Variants in FAM107A observed in about 807,000 individuals in gnomAD.
The protein encoded by FAM107A is family with sequence similarity 107 member A, also known as actin-associated protein FAM107A.
FAM107A carries 19 observed loss-of-function variants against 13.7 expected under a neutral mutation model. The observed-to-expected ratio is 1.38, with a 90% confidence interval of 0.97 to 2.03. The LOEUF (loss-of-function observed/expected upper bound fraction) is 2.03, where lower values mean the gene tolerates loss of function less well. Ranked by LOEUF, FAM107A falls within the 30% of genes most tolerant of loss-of-function variation. The pLI, the probability that FAM107A is intolerant of heterozygous loss-of-function variation, is 0.00. For synonymous variants in FAM107A, 82 were observed against 74.5 expected (o/e 1.10, Z -0.52); for missense variants, 203 against 184.4 (o/e 1.10, Z -0.58).
chr3:58,587,112 A>G lies in FAM107A; in HGVS notation c.-176T>C, dbSNP rs954697299. 7.3e-6 allele frequency: 10 copies of G among 1,370,466 alleles called. No individual in the cohort carries two copies. In the Admixed American group the frequency reaches 2.2e-4, roughly 30 times the overall value. 84.9% of individuals were successfully genotyped at this position (1,370,466 alleles called of 1,614,324 possible). A position where few individuals can be genotyped will look rare whatever the true frequency, so the allele number is the denominator to read the frequency against. On this transcript the variant is annotated 5_prime_UTR_variant, in exon 1 of 4. Coordinates refer to the FAM107A transcript ENST00000447756. ...GCGGGCGAGGAGACGCCGCCGGGGG[A>G]AGGAGGGGGGCAGGGGCCAGGGCAG...
At chr3:58,624,597 A>C (rs2065993432) in intron 1 of FAM107A, among the ~76,000 whole-genome samples, 1 of 152,204 alleles carries the variant, frequency 6.6e-6, no homozygotes, top group African/African-American at 2.4e-5. Context: ...CTGTGGCTCC[A>C]AGGGTGGGCT....
At chr3:58,589,217 C>T (rs73091460), upstream of FAM107A, 101,932 of 1,532,980 alleles carry the variant, frequency 0.066, 3,836 homozygotes, top group Middle Eastern at 0.079. Context: ...TGAGCCATTT[C>T]GTCTCTGCTT....
chr3:58,589,188 C>G (rs1283524997), upstream of FAM107A: 1 of 1,508,838 alleles, frequency 6.6e-7, no homozygotes, highest in Non-Finnish European at 8.9e-7. Context: ...CCCAGGAATT[C>G]TAGCGGGTCT....
At chr3:58,625,091 C>T (rs1464748918) in intron 1 of FAM107A, among the ~76,000 whole-genome samples, 1 of 152,036 alleles carries the variant, frequency 6.6e-6, no homozygotes, top group Non-Finnish European at 1.5e-5. Flanking sequence ...CAAAATCCTA[C>T]CCAATAAAAA....
At chr3:58,567,998 G>A (rs1577018267) in intron 2 of FAM107A, among the ~76,000 whole-genome samples, 1 of 152,102 alleles carries the variant, frequency 6.6e-6, no homozygotes, top group African/African-American at 2.4e-5. Flanking sequence ...GTGCAGTGGT[G>A]CAATCATAGC....
At position 58,565,817 on chromosome 3, in the gene FAM107A, G is replaced by C. The variant is rs1396635031; in HGVS notation, c.*771C>G. 6.6e-6 allele frequency: 1 copy of C among 152,200 alleles called. No homozygotes were observed. Among genetic ancestry groups the C allele is most frequent in the Non-Finnish European group, 1.5e-5 (1 of 68,062 alleles). 9.4% of individuals were successfully genotyped at this position (152,200 alleles called of 1,614,324 possible). On this transcript the variant is annotated 3_prime_UTR_variant, in exon 4 of 4. Transcript: ENST00000360997. ...TACCTGGGAGCTTGTTAGAAATGCA[G>C]GATCTCCCAGATCTATTGAGTTAGA...
At chr3:58,611,966 T>A (rs2065858943) in intron 1 of FAM107A, among the ~76,000 whole-genome samples, 1 of 152,042 alleles carries the variant, frequency 6.6e-6, no homozygotes, top group African/African-American at 2.4e-5. Flanking sequence ...ATTGTGGTTT[T>A]TTTTCTTCTT....
intron 1 of FAM107A, chr3:58,607,163 C>A (rs1211794702): frequency 3.3e-5 from 5 of 152,200 alleles, no homozygotes; most frequent in African/African-American, 1.2e-4. Flanking sequence ...TATGTCCTGT[C>A]CATTTCTATT....
chr3:58,613,676 G>A lies in FAM107A; in HGVS notation c.-70+13740C>T, dbSNP rs1329965183. 6.6e-6 allele frequency among the ~76,000 whole-genome samples: 1 copy of A among 152,138 alleles called. No homozygotes were observed. The highest frequency in any genetic ancestry group is 1.5e-5 in the Non-Finnish European group (1 of 68,004). ...GCACCTCCTCCAGGAAGCCTTCCCT[G>A]ATATTCCCCTCCCTAGGATTGGGTA... On this transcript the variant is annotated intron_variant, in intron 1 of 3. Transcript: ENST00000465970. The surrounding 1 kb of genome is among the most constrained non-coding windows in gnomAD (Gnocchi z 4.6).
At chr3:58,585,068 G>A (rs1363948123) in intron 1 of FAM107A, among the ~76,000 whole-genome samples, 1 of 152,228 alleles carries the variant, frequency 6.6e-6, no homozygotes, top group Non-Finnish European at 1.5e-5. Context: ...TTAAGTGCTT[G>A]TCAGTGCAGC....
At chr3:58,586,653 G>C (rs770500164) in intron 1 of FAM107A, among the ~76,000 whole-genome samples, 3 of 152,140 alleles carry the variant, frequency 2.0e-5, no homozygotes, top group Non-Finnish European at 4.4e-5. Flanking sequence ...AGCTATGATT[G>C]CACCACTGCA....
chr3:58,596,493 C>T (rs1288301077), intron 1 of FAM107A, among the ~76,000 whole-genome samples: 3 of 152,132 alleles, frequency 2.0e-5, no homozygotes, highest in African/African-American at 7.2e-5. Context: ...GCCTGGTCAA[C>T]ATGAAGAAAC....
At chr3:58,619,307 A>G (rs1255149461) in intron 1 of FAM107A, among the ~76,000 whole-genome samples, 4 of 152,106 alleles carry the variant, frequency 2.6e-5, no homozygotes, top group African/African-American at 7.2e-5. Flanking sequence ...AGAACTTTAC[A>G]TAGCTGTTTT....
intron 1 of FAM107A, among the ~76,000 whole-genome samples, chr3:58,614,172 T>A (rs1190327504): frequency 1.3e-5 from 2 of 152,334 alleles, no homozygotes; most frequent in Admixed American, 1.3e-4. Flanking sequence ...AGAGGAGGTG[T>A]CAGTGGGATG....
chr3:58,577,490 G>A (rs1348007550), upstream of FAM107A: 17 of 985,144 alleles, frequency 1.7e-5, no homozygotes, highest in Non-Finnish European at 1.2e-5. The surrounding 1 kb of genome is among the most constrained non-coding windows in gnomAD (Gnocchi z 4.9). Flanking sequence ...GTTTATTCTG[G>A]TATCAATAAA....
rs548298923 is a variant in FAM107A at position 58,615,321 on chromosome 3, A to G, written c.-70+12095T>C. Among the ~76,000 whole-genome samples the G allele has an allele frequency of 2.9e-4, 44 of 152,192 alleles. No homozygotes were observed. In the South Asian group the frequency reaches 8.9e-3, roughly 31 times the overall value. On this transcript the variant is annotated intron_variant, in intron 1 of 3. Coordinates refer to the FAM107A transcript ENST00000465970. ...CTTTTACCAACTTTGTAACTTTGAC[A>G]TTTAGCTCAGTAAGTCTCAGTCTTC...
rs2065987441 is a variant in FAM107A, at chr3:58,624,251, G to C, written c.-70+3165C>G. Among the ~76,000 whole-genome samples, 4 of 152,322 alleles carry C rather than the reference G, an allele frequency of 2.6e-5. 1 individual carries two copies. In the South Asian group the frequency reaches 8.3e-4, roughly 32 times the overall value. ...GGAATGTTCCAAACAGTGTTAGAGG[G>C]ATTGCTTCTGTGTGTTAAAATATCT... On this transcript the variant is annotated intron_variant, in intron 1 of 3. Transcript: ENST00000465970.
At chr3:58,600,051 G>A (rs911245273) in intron 1 of FAM107A, among the ~76,000 whole-genome samples, 28 of 152,164 alleles carry the variant, frequency 1.8e-4, no homozygotes, top group African/African-American at 6.5e-4. Flanking sequence ...AATTTAATGG[G>A]TGATAGGACA....
Position 58,599,722 on chromosome 3 carries a change from T to A in FAM107A, c.-69-10453A>T, listed in dbSNP as rs1337814750. On this transcript the variant is annotated intron_variant, in intron 1 of 3. Transcript: ENST00000465970. ...TTTTTTTTTTTTTTTTTTTTTTTTT[T>A]TTTTTTTTTTTTTGAGACGGGATCC... is the stretch of plus-strand genomic sequence containing the variant. 5.2e-5 allele frequency among the ~76,000 whole-genome samples: 4 copies of A among 76,848 alleles called. 1 individual carries two copies. The highest frequency in any genetic ancestry group is 1.4e-4 in the Admixed American group (1 of 7,302). The allele number at this position is 76,848 out of a possible 152,430, so 50.4% of individuals were successfully genotyped here. A position where few individuals can be genotyped will look rare whatever the true frequency, so the allele number is the denominator to read the frequency against.
Sources: allele counts gnomAD v4.1 joint callset (sites outside exome capture counted in the v4.1 genomes callset), GRCh38; gene constraint gnomAD v4.1.1; non-coding constraint Gnocchi (gnomAD v3.1); transcripts MANE v1.5; gene names NCBI Gene and HGNC (gene_info 2026-07-23, HGNC 2026-07-21).